ZNF385D: variants seen among roughly 807,000 people sequenced by gnomAD.
The protein encoded by ZNF385D is zinc finger protein 659.
In ZNF385D, 15 loss-of-function variants were observed where a neutral mutation model predicts 35.8. That is an observed-to-expected ratio of 0.42 (90% CI 0.28 to 0.64). ZNF385D has a LOEUF of 0.64. Ranked by LOEUF, ZNF385D falls within the 30% of genes least tolerant of loss-of-function variation. ZNF385D has a pLI of 0.23. For missense variants in ZNF385D, 474 were observed against 494.6 expected, an observed-to-expected ratio of 0.96 and a Z score of 0.39; for synonymous variants, 212 against 186.8, an observed-to-expected ratio of 1.13 and a Z score of -1.10.
At chr3:21,857,683 G>A (rs1249999111) in intron 3 of ZNF385D, among the ~76,000 whole-genome samples, 1 of 151,902 alleles carries the variant, frequency 6.6e-6, no homozygotes, top group African/African-American at 2.4e-5. Flanking sequence ...CCAGGGAATG[G>A]GGTTTATACC....
intron 3 of ZNF385D, among the ~76,000 whole-genome samples, chr3:21,520,237 C>T (rs148757503): frequency 1.1e-4 from 17 of 152,294 alleles, no homozygotes; most frequent in South Asian, 2.1e-4. Context: ...TGCATCGTAG[C>T]ACTTATGTCA....
chr3:22,339,029 T>G (rs1695302682), intron 2 of ZNF385D, among the ~76,000 whole-genome samples: 1 of 152,066 alleles, frequency 6.6e-6, no homozygotes, highest in Non-Finnish European at 1.5e-5. Flanking sequence ...AAGAAAACAT[T>G]GATGTTTAAA....
At chr3:21,870,977 G>A (rs189096026) in intron 3 of ZNF385D, among the ~76,000 whole-genome samples, 1 of 152,220 alleles carries the variant, frequency 6.6e-6, no homozygotes, top group East Asian at 1.9e-4. Flanking sequence ...TTTTTCAGAT[G>A]TAAAATGAAT....
chr3:21,781,062 G>T (rs905220048), intron 3 of ZNF385D, among the ~76,000 whole-genome samples: 6 of 151,976 alleles, frequency 3.9e-5, no homozygotes, highest in African/African-American at 9.7e-5. Context: ...TAATTTTAGT[G>T]GATTCCCCCA....
At chr3:22,136,993 G>A (rs1363955721) in intron 3 of ZNF385D, among the ~76,000 whole-genome samples, 1 of 152,170 alleles carries the variant, frequency 6.6e-6, no homozygotes, top group Non-Finnish European at 1.5e-5. Context: ...ATATGATCAT[G>A]TAGTGGTGGA....
At chr3:21,819,459 T>A (rs1471783473) in intron 3 of ZNF385D, among the ~76,000 whole-genome samples, 1 of 150,326 alleles carries the variant, frequency 6.7e-6, no homozygotes, top group Non-Finnish European at 1.5e-5. Context: ...ACAAAAAAAA[T>A]CTAGGGCTGT....
chr3:22,072,531 T>C (rs538924400), intron 3 of ZNF385D, among the ~76,000 whole-genome samples: 5 of 152,160 alleles, frequency 3.3e-5, no homozygotes, highest in African/African-American at 9.6e-5. Context: ...ACTTTTCTTC[T>C]ATGGAGATTG....
At chr3:21,865,045 CTTTTTTTTTTTT>C (rs3073907) in intron 3 of ZNF385D, among the ~76,000 whole-genome samples, 13 of 21,198 alleles carry the variant, frequency 6.1e-4, no homozygotes, top group South Asian at 3.2e-3. Flanking sequence ...ACAGGGAAGA[CTTTTTTTTTTTT>C]TTTTTTTTTT....
At chr3:21,763,926 G>T (rs2070723760) in intron 3 of ZNF385D, among the ~76,000 whole-genome samples, 1 of 152,110 alleles carries the variant, frequency 6.6e-6, no homozygotes, top group Non-Finnish European at 1.5e-5. Flanking sequence ...TGTGAGAGGG[G>T]CCAGGGATAC....
chr3:22,331,370 ATAAAT>A (rs915872868), intron 2 of ZNF385D, among the ~76,000 whole-genome samples: 7 of 152,330 alleles, frequency 4.6e-5, no homozygotes, highest in Admixed American at 3.9e-4. Context: ...ATTAATGTAA[ATAAAT>A]TATAGAAACT....
intron 3 of ZNF385D, among the ~76,000 whole-genome samples, chr3:21,886,254 G>A (rs538762504): frequency 6.6e-6 from 1 of 152,166 alleles, no homozygotes; most frequent in African/African-American, 2.4e-5. Flanking sequence ...AAGCCTGGAT[G>A]ATGGAAGAAG....
chr3:21,933,968 A>G (rs897394325), intron 3 of ZNF385D, among the ~76,000 whole-genome samples: 6 of 151,800 alleles, frequency 4.0e-5, no homozygotes, highest in Non-Finnish European at 8.8e-5. Flanking sequence ...TTGCCTCTCA[A>G]TTAGTCACTA....
chr3:22,214,363 G>T (rs1697720582), intron 2 of ZNF385D, among the ~76,000 whole-genome samples: 1 of 152,010 alleles, frequency 6.6e-6, no homozygotes, highest in South Asian at 2.1e-4. Context: ...TGCACAAATT[G>T]TTTGTAGGGC....
At chr3:22,329,623 C>A (rs373126514) in intron 2 of ZNF385D, among the ~76,000 whole-genome samples, 2 of 152,136 alleles carry the variant, frequency 1.3e-5, no homozygotes, top group Non-Finnish European at 2.9e-5. Context: ...TACCTCTTCT[C>A]CACCAATCCC....
intron 2 of ZNF385D, among the ~76,000 whole-genome samples, chr3:22,218,109 A>C (rs2125274825): frequency 6.6e-6 from 1 of 152,264 alleles, no homozygotes; most frequent in South Asian, 2.1e-4. Context: ...TAAATCATTC[A>C]ACAAGACTGT....
intron 2 of ZNF385D, among the ~76,000 whole-genome samples, chr3:22,213,528 C>T (rs975769050): frequency 3.9e-5 from 6 of 151,992 alleles, no homozygotes. Flanking sequence ...TATGTCCTAT[C>T]ACTACCAAAG....
intron 2 of ZNF385D, among the ~76,000 whole-genome samples, chr3:22,202,178 T>C (rs1291735803): frequency 1.3e-5 from 2 of 152,072 alleles, no homozygotes; most frequent in Non-Finnish European, 2.9e-5. Context: ...CTTACTGCAG[T>C]GATATAAAAA....
At chr3:21,714,171 T>C in intron 1 of ZNF385D, among the ~76,000 whole-genome samples, 1 of 151,046 alleles carries the variant, frequency 6.6e-6, no homozygotes, top group East Asian at 2.0e-4. Flanking sequence ...TAATAACTGC[T>C]CTCAATTAAA....
At chr3:21,493,652 A>T (rs1705599693) in intron 4 of ZNF385D, among the ~76,000 whole-genome samples, 1 of 149,416 alleles carries the variant, frequency 6.7e-6, no homozygotes, top group Non-Finnish European at 1.5e-5. Context: ...TTTTTTTGAG[A>T]TGGGTCTGGC....
Sources: allele counts gnomAD v4.1 joint callset (sites outside exome capture counted in the v4.1 genomes callset), GRCh38; gene constraint gnomAD v4.1.1; transcripts MANE v1.5; gene names NCBI Gene and HGNC (gene_info 2026-07-23, HGNC 2026-07-21).